FRMD4B: variants seen among roughly 807,000 people sequenced by gnomAD.
FRMD4B encodes the protein FERM domain-containing protein 4B.
A neutral mutation model predicts 141.5 loss-of-function variants in FRMD4B; 74 were observed. The observed-to-expected ratio is 0.52, with a 90% CI of 0.43 to 0.63. The LOEUF is 0.63. Among genes scored for constraint, FRMD4B ranks in the 30% least tolerant of loss-of-function variants. The probability of loss-of-function intolerance (pLI) is 0.00; values close to 1 mark genes in which losing one functional copy is unlikely to be tolerated. For synonymous variants in FRMD4B, 506 were observed against 467.9 expected (o/e 1.08, Z -1.05); for missense variants, 1,366 against 1,253.4 (o/e 1.09, Z -1.36).
At chr3:69,295,125 C>T (rs1440965565) in intron 4 of FRMD4B, among the ~76,000 whole-genome samples, 1 of 152,136 alleles carries the variant, frequency 6.6e-6, no homozygotes, top group African/African-American at 2.4e-5. Flanking sequence ...CCAACAACCC[C>T]CAAAGTAGGT....
intron 5 of FRMD4B, among the ~76,000 whole-genome samples, chr3:69,255,796 T>G (rs1027657019): frequency 6.6e-6 from 1 of 152,144 alleles, no homozygotes; most frequent in Non-Finnish European, 1.5e-5. Flanking sequence ...TCTCTCTTTC[T>G]CTGGGGGCAA....
intron 4 of FRMD4B, among the ~76,000 whole-genome samples, chr3:69,288,965 A>C (rs961007260): frequency 6.6e-6 from 1 of 152,274 alleles, no homozygotes; most frequent in Non-Finnish European, 1.5e-5. Context: ...TGGTAAAATC[A>C]TTCGAAACAT....
chr3:69,320,373 G>T (rs555995656), intron 1 of FRMD4B, among the ~76,000 whole-genome samples: 1 of 152,220 alleles, frequency 6.6e-6, no homozygotes, highest in Non-Finnish European at 1.5e-5. Context: ...CAGGAGCATT[G>T]TTTGAGCCCA....
At chr3:69,421,730 A>G (rs946356256) in intron 2 of FRMD4B, among the ~76,000 whole-genome samples, 2 of 152,206 alleles carry the variant, frequency 1.3e-5, no homozygotes, top group African/African-American at 4.8e-5. Context: ...CAATAGCCAC[A>G]GGTATTAGTG....
chr3:69,470,787 T>A (rs972837245), intron 1 of FRMD4B, among the ~76,000 whole-genome samples: 2 of 152,152 alleles, frequency 1.3e-5, no homozygotes, highest in East Asian at 1.9e-4. Flanking sequence ...GCTTTTCGAA[T>A]CTGTTTTATT....
intron 17 of FRMD4B, among the ~76,000 whole-genome samples, chr3:69,192,694 C>T (rs1360272383): frequency 6.6e-6 from 1 of 152,112 alleles, no homozygotes; most frequent in Non-Finnish European, 1.5e-5. Context: ...ATTTCTCAGC[C>T]AGTCTTTGTG....
At chr3:69,182,378 G>C in intron 20 of FRMD4B, among the ~76,000 whole-genome samples, 1 of 152,038 alleles carries the variant, frequency 6.6e-6, no homozygotes, top group East Asian at 1.9e-4. Flanking sequence ...ATGTGACTGG[G>C]GAAATTAAGG....
intron 1 of FRMD4B, among the ~76,000 whole-genome samples, chr3:69,345,357 G>A (rs2078965687): frequency 1.3e-5 from 2 of 152,184 alleles, no homozygotes; most frequent in African/African-American, 4.8e-5. Context: ...ACTGGGTGGA[G>A]CCCACTGCAG....
At chr3:69,461,824 C>A (rs1234473568) in intron 1 of FRMD4B, among the ~76,000 whole-genome samples, 1 of 152,054 alleles carries the variant, frequency 6.6e-6, no homozygotes, top group Non-Finnish European at 1.5e-5. Flanking sequence ...CCAGTTTTTA[C>A]CTGTTGTCTC....
intron 7 of FRMD4B, among the ~76,000 whole-genome samples, chr3:69,235,769 C>T (rs1333385811): frequency 6.6e-6 from 1 of 152,114 alleles, no homozygotes; most frequent in Non-Finnish European, 1.5e-5. Context: ...TCTCTACAGG[C>T]ATATTATGCT....
intron 7 of FRMD4B, among the ~76,000 whole-genome samples, chr3:69,244,522 G>A (rs1293679161): frequency 6.6e-6 from 1 of 152,064 alleles, no homozygotes; most frequent in East Asian, 1.9e-4. Flanking sequence ...AGTCCCAGCT[G>A]CTTGGGAGGT....
At chr3:69,482,306 G>T (rs1264234576) in intron 1 of FRMD4B, among the ~76,000 whole-genome samples, 1 of 152,106 alleles carries the variant, frequency 6.6e-6, no homozygotes. Flanking sequence ...GCTTCTCTGT[G>T]GCCCTAACTA....
In FRMD4B at chr3:69,181,430, A is replaced by C; in HGVS notation, c.2320T>G (p.Ser774Ala). The change falls in exon 21 of 23, where the codon TCA (serine) becomes GCA (alanine). Residue 774 changes from serine to alanine, a missense_variant. Transcript: ENST00000398540. The stretch of plus-strand genomic sequence containing the variant: ...AGGTTGGGCATGCTTCCTGAATTTG[A>C]AGTAGAAACATTCTGTTTCTTTGAC... The part of the protein sequence containing the change: ...RRSKKQNVST[S>A]NSGSMPNLAQ... The C allele has an allele frequency of 6.2e-7, 1 of 1,613,872 alleles. No homozygotes were observed. The highest frequency in any genetic ancestry group is 8.5e-7 in the Non-Finnish European group (1 of 1,179,858).
chr3:69,251,192 A>G (rs2093461904), intron 5 of FRMD4B, among the ~76,000 whole-genome samples: 1 of 152,222 alleles, frequency 6.6e-6, no homozygotes, highest in Non-Finnish European at 1.5e-5. Flanking sequence ...TAAGTCCTGT[A>G]TAATTAGTAC....
At chr3:69,365,986 A>G (rs1703636005) in intron 1 of FRMD4B, among the ~76,000 whole-genome samples, 1 of 151,414 alleles carries the variant, frequency 6.6e-6, no homozygotes, top group Non-Finnish European at 1.5e-5. Flanking sequence ...TGAGAGGCTG[A>G]GGAGGGGGCA....
At chr3:69,302,915 T>TA (rs200767544) in intron 3 of FRMD4B, among the ~76,000 whole-genome samples, 3 of 150,112 alleles carry the variant, frequency 2.0e-5, no homozygotes, top group Admixed American at 1.3e-4. Context: ...TCTACTAAAA[T>TA]AAAAAAAAAT....
chr3:69,439,942 T>A (rs959853015), intron 1 of FRMD4B, among the ~76,000 whole-genome samples: 6 of 152,206 alleles, frequency 3.9e-5, no homozygotes, highest in Non-Finnish European at 8.8e-5. Context: ...TAAATTTCCC[T>A]TTTTGATTTG....
intron 19 of FRMD4B, among the ~76,000 whole-genome samples, chr3:69,184,099 A>G (rs2092739940): frequency 6.6e-6 from 1 of 151,652 alleles, no homozygotes; most frequent in African/African-American, 2.4e-5. Context: ...TTTAGTAGAG[A>G]TGGGGTTTCA....
intron 3 of FRMD4B, among the ~76,000 whole-genome samples, chr3:69,303,390 G>A (rs1412125174): frequency 6.7e-6 from 1 of 149,870 alleles, no homozygotes; most frequent in Non-Finnish European, 1.5e-5. Context: ...TCCAAGAGAC[G>A]ATATTAAATG....
Sources: allele counts gnomAD v4.1 joint callset (sites outside exome capture counted in the v4.1 genomes callset), GRCh38; gene constraint gnomAD v4.1.1; transcripts MANE v1.5; gene names NCBI Gene and HGNC (gene_info 2026-07-23, HGNC 2026-07-21).